ABCA13: variants seen among roughly 807,000 people sequenced by gnomAD.
ABCA13 encodes ATP binding cassette subfamily A member 13, also known as ATP-binding cassette sub-family A member 13.
In ABCA13, 476 loss-of-function variants were observed where a neutral mutation model predicts 478.7. The ratio of observed to expected loss-of-function variants is 0.99; its 90% CI spans 0.92 to 1.07. The LOEUF (loss-of-function observed/expected upper bound fraction) is 1.07. Ranked by LOEUF, ABCA13 falls within the 50% of genes least tolerant of loss-of-function variation. ABCA13 has a pLI of 0.00. For missense variants in ABCA13, 6,060 were observed against 5,910.6 expected, an observed-to-expected ratio of 1.03 and a Z score of -0.83; for synonymous variants, 2,252 against 2,158.9, an observed-to-expected ratio of 1.04 and a Z score of -1.20.
chr7:48,358,162 A>T, intron 31 of ABCA13, among the ~76,000 whole-genome samples: 1 of 145,426 alleles, frequency 6.9e-6, no homozygotes, highest in Non-Finnish European at 1.5e-5. Flanking sequence ...AAAGAAAAAA[A>T]AGAAAGGACA....
intron 54 of ABCA13, among the ~76,000 whole-genome samples, chr7:48,527,122 A>G (rs1215963433): frequency 1.3e-5 from 2 of 152,120 alleles, no homozygotes; most frequent in Non-Finnish European, 2.9e-5. Flanking sequence ...GAGCTTTATT[A>G]AAAATGTGGT....
At chr7:48,246,154 G>A in intron 13 of ABCA13, 124 bp downstream of exon 13, 3 of 1,043,222 alleles carry the variant, frequency 2.9e-6, no homozygotes, top group Non-Finnish European at 3.9e-6. Flanking sequence ...CACACTTAAA[G>A]GAAGCTGGCT....
intron 55 of ABCA13, among the ~76,000 whole-genome samples, chr7:48,545,493 T>C (rs1246002169): frequency 6.6e-6 from 1 of 151,714 alleles, no homozygotes; most frequent in Non-Finnish European, 1.5e-5. Flanking sequence ...AGTTTGATGA[T>C]ACCCATGGGC....
intron 60 of ABCA13, 46 bp downstream of exon 60, chr7:48,643,439 A>C: frequency 2.8e-6 from 4 of 1,447,266 alleles, no homozygotes; most frequent in Non-Finnish European, 3.9e-6. Flanking sequence ...AGCTAAAAAA[A>C]AATAATAAAT....
intron 45 of ABCA13, among the ~76,000 whole-genome samples, chr7:48,471,995 C>T (rs1827553217): frequency 1.3e-5 from 2 of 152,102 alleles, no homozygotes; most frequent in South Asian, 4.1e-4. Context: ...GCTAAGATGC[C>T]CCTTAGCTCT....
intron 15 of ABCA13, 133 bp from the exon 16 acceptor site, chr7:48,268,847 C>G: frequency 1.9e-6 from 1 of 532,254 alleles, no homozygotes; most frequent in Non-Finnish European, 3.2e-6. Context: ...GATTCCTACT[C>G]ATCTTTTTTT....
At chr7:48,243,292 G>T (rs1316375835) in intron 10 of ABCA13, among the ~76,000 whole-genome samples, 1 of 152,120 alleles carries the variant, frequency 6.6e-6, no homozygotes, top group Non-Finnish European at 1.5e-5. Flanking sequence ...TTTTTTCCTT[G>T]GGGAAAATAA....
In ABCA13 at chr7:48,338,362, T is replaced by C. The variant is rs548546042; in HGVS notation, c.10114-3T>C. 1.9e-6 allele frequency: 3 copies of C among 1,581,026 alleles called. No individual in the cohort carries two copies. Among genetic ancestry groups the C allele is most frequent in the Non-Finnish European group, 2.6e-6 (3 of 1,162,318 alleles). ...TTTATTAAGCTATATTATTTTTCTT[T>C]AGGAGGCCCTGAGAAACAAATTTGT... is the stretch of plus-strand genomic sequence containing the variant. On this transcript the variant is annotated splice_region_variant and splice_polypyrimidine_tract_variant and intron_variant, in intron 28 of 61. Coordinates refer to ENST00000435803, the MANE Select transcript of ABCA13 (RefSeq NM_152701.5).
chr7:48,439,700 G>T (rs1364285427), intron 42 of ABCA13, among the ~76,000 whole-genome samples: 1 of 151,978 alleles, frequency 6.6e-6, no homozygotes, highest in Admixed American at 6.6e-5. Flanking sequence ...ATTACCCTTT[G>T]GCATAAAAAA....
intron 27 of ABCA13, among the ~76,000 whole-genome samples, chr7:48,327,753 T>A (rs927541950): frequency 1.3e-5 from 2 of 152,344 alleles, no homozygotes; most frequent in African/African-American, 4.8e-5. Context: ...CTTCTTTCAC[T>A]ATCATCAGTT....
At chr7:48,245,422 T>G (rs1201591205) in intron 11 of ABCA13, 90 bp from the exon 12 acceptor site, 1 of 983,824 alleles carries the variant, frequency 1.0e-6, no homozygotes, top group Non-Finnish European at 1.5e-6. Flanking sequence ...AATCCATGTT[T>G]TCAGGATCCA....
At chr7:48,248,104 T>C (rs962185847) in intron 13 of ABCA13, 135 bp from the exon 14 acceptor site, 2 of 672,546 alleles carry the variant, frequency 3.0e-6, no homozygotes, top group Admixed American at 2.9e-5. Flanking sequence ...ATAATTACCA[T>C]GCCATAGGGC....
chr7:48,586,917 T>C (rs561464494), intron 56 of ABCA13, among the ~76,000 whole-genome samples: 12 of 152,160 alleles, frequency 7.9e-5, no homozygotes, highest in South Asian at 4.1e-4. Context: ...CCCTGAACTC[T>C]AGATGTGATT....
At chr7:48,360,490 A>C (rs1810654954) in intron 31 of ABCA13, among the ~76,000 whole-genome samples, 1 of 152,012 alleles carries the variant, frequency 6.6e-6, no homozygotes, top group South Asian at 2.1e-4. Flanking sequence ...ATAAGAGGAA[A>C]ATCCTATTTC....
In ABCA13 at chr7:48,387,883, G is replaced by A. The variant is rs765835582; in HGVS notation, c.11397G>A (p.Val3799=). 2 of 1,612,280 alleles carry A rather than the reference G, an allele frequency of 1.2e-6. No homozygotes were observed. The highest frequency in any genetic ancestry group is 1.7e-6 in the Non-Finnish European group (2 of 1,179,232). ...TTACTGCCTCATATTGGAAGAGTGT[G>A]GGTTTCTTGGTGGAGAAAAGGCAAT... ...FPFTASYWKS[V]GFLVEKRQYF... Residue 3799 remains valine (V), a synonymous_variant, in exon 36 of 62, where the codon GTG becomes GTA. Transcript: ENST00000435803.
chr7:48,606,798 C>T (rs1791512429), intron 58 of ABCA13, among the ~76,000 whole-genome samples: 1 of 152,238 alleles, frequency 6.6e-6, no homozygotes, highest in South Asian at 2.1e-4. Flanking sequence ...TTTAAGTCTG[C>T]TGAAGCTGCA....
rs1796164699 is a variant in ABCA13, at chr7:48,275,389, A to G, written c.5723A>G (p.His1908Arg). Residue 1908 changes from histidine (H) to arginine (R), a missense_variant, in exon 17 of 62, where the codon CAT (histidine) becomes CGT (arginine). Physicochemically the swap from His to Arg is conservative, Grantham distance 29 (BLOSUM62 0). Coordinates refer to ENST00000435803, the MANE Select transcript of ABCA13 (RefSeq NM_152701.5). The stretch of plus-strand genomic sequence containing the variant: ...CTTCTGGAGCTCTCTGAAGTCTTCC[A>G]TGTTAACATTTCTCTTGTGAAAACT... ...SILLELSEVF[H>R]VNISLVKTVQ... The G allele has an allele frequency of 2.5e-6, 4 of 1,613,874 alleles. No individual in the cohort carries two copies. Among genetic ancestry groups the G allele is most frequent in the Non-Finnish European group, 3.4e-6 (4 of 1,179,884 alleles).
chr7:48,351,090 G>C (rs536656922), intron 30 of ABCA13, among the ~76,000 whole-genome samples: 2 of 152,302 alleles, frequency 1.3e-5, no homozygotes, highest in East Asian at 3.9e-4. Flanking sequence ...TACTGCATCT[G>C]CTTTTACCCT....
At chr7:48,440,722 T>G (rs1246616854) in intron 42 of ABCA13, among the ~76,000 whole-genome samples, 1 of 151,648 alleles carries the variant, frequency 6.6e-6, no homozygotes, top group East Asian at 1.9e-4. Context: ...ATCCTCTATA[T>G]AGGATATATA....
Sources: allele counts gnomAD v4.1 joint callset (sites outside exome capture counted in the v4.1 genomes callset), GRCh38; gene constraint gnomAD v4.1.1; transcripts MANE v1.5; gene names NCBI Gene and HGNC (gene_info 2026-07-23, HGNC 2026-07-21).